Variants in PRKN observed in about 807,000 individuals in gnomAD.
PRKN encodes the protein E3 ubiquitin-protein ligase parkin.
In PRKN, 56 loss-of-function variants were observed where a neutral mutation model predicts 59.5. The observed-to-expected ratio is 0.94, with a 90% CI of 0.76 to 1.18. The LOEUF (loss-of-function observed/expected upper bound fraction) is 1.18, where lower values mean the gene tolerates loss of function less well. Ranked by LOEUF, PRKN falls within the 50% of genes most tolerant of loss-of-function variation. The probability of loss-of-function intolerance (pLI) is 0.00; values close to 1 mark genes in which losing one functional copy is unlikely to be tolerated. For synonymous variants in PRKN, 250 were observed against 222.1 expected, an observed-to-expected ratio of 1.13 and a Z score of -1.12; for missense variants, 657 against 596.4, an observed-to-expected ratio of 1.10 and a Z score of -1.06.
At chr6:161,787,751 C>A (rs1479559973) in intron 6 of PRKN, among the ~76,000 whole-genome samples, 2 of 151,872 alleles carry the variant, frequency 1.3e-5, no homozygotes, top group Admixed American at 6.6e-5. Context: ...TGGAGATCAT[C>A]CTGGCTAACA....
At chr6:162,105,526 G>A (rs538694562) in intron 4 of PRKN, among the ~76,000 whole-genome samples, 7 of 152,094 alleles carry the variant, frequency 4.6e-5, no homozygotes, top group South Asian at 2.1e-4. Context: ...CTCAGCCTCC[G>A]AAGTAGCTGG....
intron 1 of PRKN, among the ~76,000 whole-genome samples, chr6:162,639,512 C>A (rs2023014): frequency 0.19 from 29,557 of 152,034 alleles, 3,525 homozygotes; most frequent in East Asian, 0.47. Flanking sequence ...TCCAACAGGG[C>A]AATAAACTAT....
chr6:162,392,924 G>C (rs148406456), intron 2 of PRKN, among the ~76,000 whole-genome samples: 1 of 151,804 alleles, frequency 6.6e-6, no homozygotes, highest in Non-Finnish European at 1.5e-5. Flanking sequence ...TGTCGGATCC[G>C]GGCTCACTGC....
chr6:161,658,946 G>A (rs1220206515), intron 7 of PRKN, among the ~76,000 whole-genome samples: 1 of 152,216 alleles, frequency 6.6e-6, no homozygotes, highest in Non-Finnish European at 1.5e-5. Flanking sequence ...GCTTCAGAGG[G>A]CATAGAATAA....
At chr6:162,646,854 C>T (rs1583975685) in intron 1 of PRKN, among the ~76,000 whole-genome samples, 1 of 152,124 alleles carries the variant, frequency 6.6e-6, no homozygotes. Flanking sequence ...CATATCTAGA[C>T]ATGGAGAAGG....
rs146288080 is a variant in PRKN, at chr6:162,443,429, C to T, written c.52G>A (p.Asp18Asn). The T allele has an allele frequency of 1.1e-4, 171 of 1,614,070 alleles. 1 individual carries two copies. The African/African-American group carries it at 1.7e-3, about 16-fold the overall frequency. ...NSSHGFPVEV[D>N]SDTSIFQLKE... is the part of the protein sequence containing the mutation. ...AGCTGGAAGATGCTGGTGTCAGAAT[C>T]GACCTCCACTGGGAAACCATGGCTG... Residue 18 changes from aspartate (D) to asparagine (N), a missense_variant, in exon 2 of 12, where the codon GAT becomes AAT. By Grantham distance (23) the Asp-to-Asn change is conservative. Coordinates refer to ENST00000366898, the MANE Select transcript of PRKN (RefSeq NM_004562.3).
chr6:162,569,895 A>G (rs1241007843), intron 1 of PRKN, among the ~76,000 whole-genome samples: 1 of 152,188 alleles, frequency 6.6e-6, no homozygotes, highest in Non-Finnish European at 1.5e-5. Flanking sequence ...CACCTTGCCC[A>G]TGCCTTCAGC....
At chr6:162,633,761 G>A (rs191881575) in intron 1 of PRKN, among the ~76,000 whole-genome samples, 19 of 152,020 alleles carry the variant, frequency 1.2e-4, no homozygotes, top group Non-Finnish European at 2.8e-4. Context: ...GAAGGGAGGA[G>A]AGTTTGTGAT....
chr6:161,971,969 A>G (rs1780828667), intron 6 of PRKN, among the ~76,000 whole-genome samples: 2 of 152,272 alleles, frequency 1.3e-5, no homozygotes, highest in South Asian at 4.1e-4. Flanking sequence ...TCATTTTGGC[A>G]TTTCATTAAA....
chr6:162,302,789 T>A (rs1369309694), intron 2 of PRKN, among the ~76,000 whole-genome samples: 1 of 152,216 alleles, frequency 6.6e-6, no homozygotes, highest in Non-Finnish European at 1.5e-5. Flanking sequence ...ATGTGGTAAG[T>A]TGTTACACAG....
chr6:161,895,719 C>A, intron 6 of PRKN, among the ~76,000 whole-genome samples: 1 of 149,870 alleles, frequency 6.7e-6, no homozygotes, highest in East Asian at 2.0e-4. Context: ...CAGGAGCACG[C>A]CCACCCCACC....
intron 4 of PRKN, among the ~76,000 whole-genome samples, chr6:162,079,851 A>G (rs958072111): frequency 6.6e-6 from 1 of 152,160 alleles, no homozygotes; most frequent in Non-Finnish European, 1.5e-5. Context: ...GTTTAATGAG[A>G]GTAATGCATT....
intron 3 of PRKN, among the ~76,000 whole-genome samples, chr6:162,215,308 G>C (rs1777594950): frequency 6.6e-6 from 1 of 152,144 alleles, no homozygotes; most frequent in Non-Finnish European, 1.5e-5. Context: ...CAAATAACTA[G>C]ACTTGAAACT....
At chr6:161,840,049 G>A (rs1351354395) in intron 6 of PRKN, among the ~76,000 whole-genome samples, 4 of 152,260 alleles carry the variant, frequency 2.6e-5, no homozygotes, top group African/African-American at 9.6e-5. Flanking sequence ...ACAGTTGGCG[G>A]AGCCAGCATG....
chr6:162,186,821 TG>T (rs1784052889), intron 4 of PRKN, among the ~76,000 whole-genome samples: 1 of 152,214 alleles, frequency 6.6e-6, no homozygotes, highest in African/African-American at 2.4e-5. Flanking sequence ...CTGCGGTGAC[TG>T]GAAGCTTCCT....
chr6:162,155,872 G>A (rs1253380708), intron 4 of PRKN, among the ~76,000 whole-genome samples: 1 of 151,844 alleles, frequency 6.6e-6, no homozygotes, highest in Non-Finnish European at 1.5e-5. Flanking sequence ...AACGTGATAA[G>A]TGATTATAAA....
At position 161,843,310 on chromosome 6, in the gene PRKN, CCTT is replaced by C. The variant is rs555749122; in HGVS notation, c.735-57405_735-57403del. Among the ~76,000 whole-genome samples, 382 of 152,330 alleles carry C rather than the reference CCTT, an allele frequency of 2.5e-3. 2 individuals are homozygous for C. The highest frequency in any genetic ancestry group is 5.2e-3 in the South Asian group (25 of 4,824). On this transcript the variant is annotated intron_variant, in intron 6 of 11. Transcript: ENST00000366898. ...GAGCCACTGAAGCCACCTTCTGTCTCCTTCTCCATCTTCTCTGAGAGACAGCTG... is the reference window on the plus strand; with the variant it reads ...GAGCCACTGAAGCCACCTTCTGTCTCCTCCATCTTCTCTGAGAGACAGCTG...
At chr6:161,358,034 C>T (rs1784829681) in intron 11 of PRKN, among the ~76,000 whole-genome samples, 1 of 152,238 alleles carries the variant, frequency 6.6e-6, no homozygotes, top group East Asian at 1.9e-4. Flanking sequence ...ACCAATCTTT[C>T]TCATACTGAG....
intron 2 of PRKN, among the ~76,000 whole-genome samples, chr6:162,342,492 G>A (rs1192915062): frequency 1.3e-5 from 2 of 152,066 alleles, no homozygotes; most frequent in Non-Finnish European, 2.9e-5. Flanking sequence ...AAATATTATA[G>A]GGTGAAAAGG....
Sources: allele counts gnomAD v4.1 joint callset (sites outside exome capture counted in the v4.1 genomes callset), GRCh38; gene constraint gnomAD v4.1.1; transcripts MANE v1.5; gene names NCBI Gene and HGNC (gene_info 2026-07-23, HGNC 2026-07-21).